DMD: variants seen among roughly 807,000 people sequenced by gnomAD.
DMD encodes the protein mutant dystrophin.
A neutral mutation model predicts 330.1 loss-of-function variants in DMD; 63 were observed. That is an observed-to-expected ratio of 0.19 (90% CI 0.16 to 0.24). DMD has a LOEUF of 0.24. DMD is among the 10% of genes least tolerant of loss of function. The pLI is 1.00. For missense variants in DMD, 3,344 were observed against 2,684.1 expected (o/e 1.25, Z -5.43); for synonymous variants, 1,223 against 959.8 (o/e 1.27, Z -5.07).
intron 1 of DMD, among the ~76,000 whole-genome samples, chrX:33,261,084 A>C (rs1406401811): frequency 9.0e-6 from 1 of 111,528 alleles, no homozygotes; most frequent in Non-Finnish European, 1.9e-5. Flanking sequence ...TGTTAATTGT[A>C]CTGTGTCATG....
At chrX:32,362,687 A>G in intron 37 of DMD, 101 bp downstream of exon 37, 2 of 977,767 alleles carry the variant, frequency 2.0e-6, no homozygotes, top group Non-Finnish European at 2.9e-6. Context: ...TTTCCTTTTG[A>G]AAACCTTGCT....
intron 44 of DMD, among the ~76,000 whole-genome samples, chrX:32,205,031 A>ACACACC (rs2097060428): frequency 1.2e-5 from 1 of 85,494 alleles, no homozygotes; most frequent in African/African-American, 4.4e-5. Flanking sequence ...ACACACACAC[A>ACACACC]CACACACACA....
At chrX:33,034,279 T>A (rs2094168857) in intron 1 of DMD, among the ~76,000 whole-genome samples, 1 of 111,692 alleles carries the variant, frequency 9.0e-6, no homozygotes. Context: ...GACATTCGAA[T>A]TTTCTAATTT....
intron 2 of DMD, among the ~76,000 whole-genome samples, chrX:32,866,752 G>GGGT (rs2082539861): frequency 5.9e-5 from 5 of 84,099 alleles, no homozygotes; most frequent in Non-Finnish European, 9.3e-5. Context: ...TGGGGGGGGG[G>GGGT]GGACAGAGTT....
At chrX:33,182,911 A>C (rs969454609) in intron 1 of DMD, among the ~76,000 whole-genome samples, 2 of 112,097 alleles carry the variant, frequency 1.8e-5, no homozygotes, top group African/African-American at 6.5e-5. Flanking sequence ...ATGAACCTTT[A>C]ACACATATCC....
At chrX:31,702,893 C>A (rs1421264625) in intron 52 of DMD, among the ~76,000 whole-genome samples, 1 of 102,808 alleles carries the variant, frequency 9.7e-6, no homozygotes, top group Non-Finnish European at 2.0e-5. Context: ...CTCCCTCTGT[C>A]ATCCAGGCTG....
chrX:32,994,007 G>T (rs1208417910), intron 2 of DMD, among the ~76,000 whole-genome samples: 2 of 110,519 alleles, frequency 1.8e-5, no homozygotes, highest in Non-Finnish European at 1.9e-5. Context: ...CCTGGCAGAA[G>T]TATGATTGGA....
At chrX:31,791,444 A>G (rs1603468026) in intron 50 of DMD, among the ~76,000 whole-genome samples, 1 of 111,611 alleles carries the variant, frequency 9.0e-6, no homozygotes, top group East Asian at 2.8e-4. Context: ...GTAGCCCCTG[A>G]CATGAATATC....
chrX:32,933,492 A>G (rs1311853667), intron 2 of DMD, among the ~76,000 whole-genome samples: 1 of 112,405 alleles, frequency 8.9e-6, no homozygotes. Flanking sequence ...TAATCTGTAT[A>G]AAGCTGAAAG....
At chrX:32,529,812 C>A (rs1022110627) in intron 17 of DMD, among the ~76,000 whole-genome samples, 38 of 111,257 alleles carry the variant, frequency 3.4e-4, no homozygotes, top group African/African-American at 1.2e-3. Context: ...CAGTGGTTTA[C>A]ACAGCACCTG....
chrX:32,777,277 T>TGGGGGGGGGGGGGGGGGGGG lies in DMD; in HGVS notation c.649+32215_649+32216insCCCCCCCCCCCCCCCCCCCC, dbSNP rs546914107. 9.5e-3 allele frequency among the ~76,000 whole-genome samples: 20 copies of TGGGGGGGGGGGGGGGGGGGG among 2,107 alleles called. 2 individuals carry two copies. The highest frequency in any genetic ancestry group is 0.016 in the African/African-American group (5 of 319). The allele number at this position is 2,107 out of a possible 115,157, so 1.8% of individuals were successfully genotyped here. On this transcript the variant is annotated intron_variant, in intron 7 of 78. Transcript: ENST00000357033. ...CTAGTTTTTAAGTTTGGTTTCTGGT[T>TGGGGGGGGGGGGGGGGGGGG]GGGGGGGGAATCCTACCAAGCTAGG... is the stretch of plus-strand genomic sequence containing the variant.
chrX:32,196,834 A>G (rs2097003844), intron 44 of DMD, among the ~76,000 whole-genome samples: 1 of 108,802 alleles, frequency 9.2e-6, no homozygotes, highest in South Asian at 4.1e-4. Flanking sequence ...AAATACAAAA[A>G]AATTAGCGGG....
chrX:32,703,343 C>T (rs1249372897), intron 7 of DMD, among the ~76,000 whole-genome samples: 3 of 111,332 alleles, frequency 2.7e-5, no homozygotes. Flanking sequence ...AATACCATTA[C>T]TATGTTGCAT....
chrX:32,476,854 C>T (rs897423011), intron 21 of DMD, among the ~76,000 whole-genome samples: 2 of 111,332 alleles, frequency 1.8e-5, no homozygotes, highest in Non-Finnish European at 1.9e-5. Context: ...GCTCCATCTA[C>T]GGAAACTCAC....
intron 55 of DMD, among the ~76,000 whole-genome samples, chrX:31,538,677 T>C (rs2073592175): frequency 8.9e-6 from 1 of 112,392 alleles, no homozygotes; most frequent in Non-Finnish European, 1.9e-5. Context: ...AAAATTCTAT[T>C]ATAATGAAAA....
chrX:31,257,455 AT>A (rs1250572990), intron 63 of DMD, among the ~76,000 whole-genome samples: 1 of 111,035 alleles, frequency 9.0e-6, no homozygotes, highest in African/African-American at 3.3e-5. Flanking sequence ...GCTTCCGACC[AT>A]TTCATCCAGC....
intron 11 of DMD, among the ~76,000 whole-genome samples, chrX:32,618,519 G>A (rs779785532): frequency 9.0e-6 from 1 of 111,084 alleles, no homozygotes; most frequent in South Asian, 3.9e-4. Context: ...GGAGTTTGGA[G>A]GGTGGCAGAA....
Position 32,529,379 on chromosome X carries a change from C to CT in DMD, c.2169-11249dup, listed in dbSNP as rs777955346. Among the ~76,000 whole-genome samples the CT allele has an allele frequency of 2.2e-3, 69 of 31,036 alleles. 13 individuals carry two copies. Among genetic ancestry groups the CT allele is most frequent in the African/African-American group, 4.0e-3 (28 of 6,915 alleles). 27.0% of individuals were successfully genotyped at this position (31,036 alleles called of 115,157 possible). A position where few individuals can be genotyped will look rare whatever the true frequency, so the allele number is the denominator to read the frequency against. On this transcript the variant is annotated intron_variant, in intron 17 of 78. Coordinates refer to ENST00000357033, the MANE Select transcript of DMD (RefSeq NM_004006.3). ...CGAATTCCACCTTGGCAAAAATCAACTTTTTTTTTTTTTTTTTTTTTTTTT... is the reference window on the plus strand; with the variant it reads ...CGAATTCCACCTTGGCAAAAATCAACTTTTTTTTTTTTTTTTTTTTTTTTTT...
At chrX:32,293,346 C>T (rs1333599310) in intron 42 of DMD, among the ~76,000 whole-genome samples, 1 of 111,505 alleles carries the variant, frequency 9.0e-6, no homozygotes, top group African/African-American at 3.3e-5. Context: ...TAAAGATGAA[C>T]CTATGTGGAA....
Sources: gnomAD v4.1 joint callset for allele counts (sites outside exome capture counted in the v4.1 genomes callset) on GRCh38, gnomAD v4.1.1 for gene constraint, MANE v1.5 for transcripts, NCBI Gene and HGNC (gene_info 2026-07-23, HGNC 2026-07-21) for gene names.